The following SGCZ variants were observed in gnomAD, a reference collection of about 807,000 sequenced individuals.
SGCZ encodes the protein sarcoglycan zeta, also known as zeta-sarcoglycan.
Under a neutral mutation model 41.3 loss-of-function variants are expected in SGCZ, and 40 were observed. That is an observed-to-expected ratio of 0.97 (90% CI 0.75 to 1.26). SGCZ has a LOEUF of 1.26. Among genes scored for constraint, SGCZ ranks in the 50% most tolerant of loss-of-function variants. The probability of loss-of-function intolerance (pLI) is 0.00; values close to 1 mark genes in which losing one functional copy is unlikely to be tolerated. For synonymous variants in SGCZ, 206 were observed against 137.5 expected, an observed-to-expected ratio of 1.50 and a Z score of -3.49; for missense variants, 552 against 369.8, an observed-to-expected ratio of 1.49 and a Z score of -4.04.
At chr8:14,875,184 C>G (rs138772586) in intron 1 of SGCZ, among the ~76,000 whole-genome samples, 2 of 152,088 alleles carry the variant, frequency 1.3e-5, no homozygotes, top group Non-Finnish European at 2.9e-5. Flanking sequence ...AAAATGATAC[C>G]GTGTTGCTAC....
intron 4 of SGCZ, among the ~76,000 whole-genome samples, chr8:14,177,160 G>C (rs192623679): frequency 6.6e-6 from 1 of 152,248 alleles, no homozygotes; most frequent in Non-Finnish European, 1.5e-5. Flanking sequence ...CTTGACTTCT[G>C]TGGGTTGCCA....
chr8:14,745,609 G>A (rs1281390414), intron 1 of SGCZ, among the ~76,000 whole-genome samples: 1 of 151,900 alleles, frequency 6.6e-6, no homozygotes, highest in East Asian at 1.9e-4. Flanking sequence ...GTAGACATAT[G>A]TGTGCCTGTG....
At chr8:15,232,256 T>C (rs564814634) in intron 1 of SGCZ, among the ~76,000 whole-genome samples, 1 of 152,322 alleles carries the variant, frequency 6.6e-6, no homozygotes, top group South Asian at 2.1e-4. Context: ...TGTGGATTTA[T>C]TATCTTATAG....
chr8:15,153,595 A>G (rs1585618536), intron 1 of SGCZ, among the ~76,000 whole-genome samples: 1 of 152,078 alleles, frequency 6.6e-6, no homozygotes, highest in Non-Finnish European at 1.5e-5. Flanking sequence ...GGCTTGGACT[A>G]TCTCCTCGGT....
intron 1 of SGCZ, among the ~76,000 whole-genome samples, chr8:14,699,713 T>C (rs977209210): frequency 6.6e-5 from 10 of 151,860 alleles, no homozygotes; most frequent in African/African-American, 2.4e-4. Flanking sequence ...TCACAAACTG[T>C]GCATCCAACA....
At chr8:14,396,784 T>C (rs1480131195) in intron 2 of SGCZ, among the ~76,000 whole-genome samples, 2 of 152,102 alleles carry the variant, frequency 1.3e-5, no homozygotes, top group African/African-American at 4.8e-5. Context: ...CAGTTGACGC[T>C]AGTCATGCTG....
At chr8:14,902,637 C>T (rs532288994) in intron 1 of SGCZ, among the ~76,000 whole-genome samples, 53 of 152,232 alleles carry the variant, frequency 3.5e-4, no homozygotes, top group African/African-American at 1.2e-3. Context: ...CCAGCCTCTT[C>T]AGAAAGTTGT....
chr8:15,038,404 T>G (rs149407131), intron 1 of SGCZ, among the ~76,000 whole-genome samples: 43 of 151,934 alleles, frequency 2.8e-4, no homozygotes, highest in African/African-American at 9.4e-4. Context: ...AAAATCCACA[T>G]GCAGAACAAT....
At chr8:14,554,160 G>T (rs1803958909) in intron 2 of SGCZ, among the ~76,000 whole-genome samples, 1 of 151,942 alleles carries the variant, frequency 6.6e-6, no homozygotes, top group African/African-American at 2.4e-5. Flanking sequence ...TTAATTGCTG[G>T]TTTATCTTCC....
At position 15,010,773 on chromosome 8, in the gene SGCZ, C is replaced by T. The variant is rs544028139; in HGVS notation, c.39+226812G>A. Among the ~76,000 whole-genome samples the T allele has an allele frequency of 5.2e-4, 79 of 152,236 alleles. No individual in the cohort carries two copies. In the Middle Eastern group the frequency reaches 0.02, roughly 39 times the overall value. ...TGGTTAGAAAAGCGTATCAGAAGAA[C>T]GCCAGATACCTTCTGGATCTCCTCT... On this transcript the variant is annotated intron_variant, in intron 1 of 7. Coordinates refer to ENST00000382080, the MANE Select transcript of SGCZ (RefSeq NM_139167.4).
At chr8:14,866,568 C>A (rs1006841701) in intron 1 of SGCZ, among the ~76,000 whole-genome samples, 1 of 151,984 alleles carries the variant, frequency 6.6e-6, no homozygotes, top group South Asian at 2.1e-4. Context: ...CCAGCACTTT[C>A]GGAGGCCAAG....
chr8:14,443,161 C>G (rs528937632), intron 2 of SGCZ, among the ~76,000 whole-genome samples: 37 of 152,130 alleles, frequency 2.4e-4, no homozygotes, highest in African/African-American at 4.3e-4. Flanking sequence ...AAATAAAAGA[C>G]GATAGAAACA....
intron 1 of SGCZ, among the ~76,000 whole-genome samples, chr8:14,573,923 G>C (rs1216685972): frequency 6.6e-6 from 1 of 152,102 alleles, no homozygotes; most frequent in East Asian, 1.9e-4. Context: ...ATAGAAGGGA[G>C]CTAGGAACTA....
chr8:14,434,422 T>C (rs1049527458), intron 2 of SGCZ, among the ~76,000 whole-genome samples: 14 of 152,216 alleles, frequency 9.2e-5, no homozygotes, highest in African/African-American at 3.1e-4. Context: ...ATTTGTTCTT[T>C]TTGTTTAGTC....
chr8:14,830,013 C>A (rs1294971460), intron 1 of SGCZ, among the ~76,000 whole-genome samples: 1 of 152,018 alleles, frequency 6.6e-6, no homozygotes, highest in African/African-American at 2.4e-5. Context: ...GGGTTTTCAC[C>A]GTGTTAGCCA....
intron 2 of SGCZ, among the ~76,000 whole-genome samples, chr8:14,343,421 T>C (rs982917423): frequency 2.6e-5 from 4 of 152,100 alleles, no homozygotes; most frequent in Admixed American, 2.6e-4. Flanking sequence ...GTCAAGGCAG[T>C]CAGAAATGGA....
intron 3 of SGCZ, among the ~76,000 whole-genome samples, chr8:14,238,349 A>G (rs1806843145): frequency 2.0e-5 from 3 of 152,204 alleles, no homozygotes; most frequent in Admixed American, 1.3e-4. Flanking sequence ...GTGTTGACTG[A>G]GTAGATAAAA....
chr8:15,053,017 A>G (rs1804571655), intron 1 of SGCZ, among the ~76,000 whole-genome samples: 3 of 152,164 alleles, frequency 2.0e-5, no homozygotes, highest in Admixed American at 1.3e-4. Context: ...AAGGAGAACA[A>G]CTTCAAAATC....
intron 1 of SGCZ, among the ~76,000 whole-genome samples, chr8:15,202,485 T>A (rs1800919797): frequency 6.6e-6 from 1 of 152,038 alleles, no homozygotes; most frequent in African/African-American, 2.4e-5. Context: ...ACAACGGACT[T>A]TGAGGTCTTA....
Sources: gnomAD v4.1 joint callset for allele counts (sites outside exome capture counted in the v4.1 genomes callset) on GRCh38, gnomAD v4.1.1 for gene constraint, MANE v1.5 for transcripts, NCBI Gene and HGNC (gene_info 2026-07-23, HGNC 2026-07-21) for gene names.